EPPK1: variants seen among roughly 807,000 people sequenced by gnomAD.
EPPK1 encodes epiplakin.
For synonymous variants in EPPK1, 1,862 were observed against 1,721.2 expected, an observed-to-expected ratio of 1.08 and a Z score of -2.03; for missense variants, 3,823 against 3,673.3, an observed-to-expected ratio of 1.04 and a Z score of -1.05.
chr8:143,878,673 C>A (rs1371846052), upstream of EPPK1, among the ~76,000 whole-genome samples: 1 of 151,866 alleles, frequency 6.6e-6, no homozygotes, highest in Non-Finnish European at 1.5e-5. Context: ...CAGGGAGTCA[C>A]CGCGAAGGAA....
In EPPK1 at chr8:143,871,832, T is replaced by C; in HGVS notation, c.1422A>G (p.Gly474=). Residue 474 remains glycine (G), a synonymous_variant, in exon 2 of 2, where the codon GGA becomes GGG. Transcript: ENST00000615648. ...AFLPLSGGPR[G]GEPQGPPFIK... ...TGAATGGGGGTCCCTGGGGCTCCCCTCCCCGGGGTCCCCCTGAGAGTGGCA... is the reference window on the plus strand; with the variant it reads ...TGAATGGGGGTCCCTGGGGCTCCCCCCCCCGGGGTCCCCCTGAGAGTGGCA... The C allele has an allele frequency of 6.2e-7, 1 of 1,612,194 alleles. No homozygotes were observed. Among genetic ancestry groups the C allele is most frequent in the Non-Finnish European group, 8.5e-7 (1 of 1,179,774 alleles).
At chr8:143,874,570 C>T (rs1417385991) in intron 1 of EPPK1, among the ~76,000 whole-genome samples, 1 of 152,166 alleles carries the variant, frequency 6.6e-6, no homozygotes, top group Non-Finnish European at 1.5e-5. Flanking sequence ...CAGGCAGGAT[C>T]CTCCCCTCGA....
chr8:143,877,896 C>A (rs1189477076), intron 1 of EPPK1, among the ~76,000 whole-genome samples: 1 of 152,132 alleles, frequency 6.6e-6, no homozygotes, highest in East Asian at 1.9e-4. Flanking sequence ...TCCAGGCGAC[C>A]GTGTGACCGC....
rs1176567985 is a variant in EPPK1, at chr8:143,866,828, C to A, written c.6426G>T (p.Met2142Ile). 1.2e-6 allele frequency: 2 copies of A among 1,613,300 alleles called. No individual in the cohort carries two copies. The highest frequency in any genetic ancestry group is 8.5e-7 in the Non-Finnish European group (1 of 1,179,884). Residue 2142 changes from methionine to isoleucine, a missense_variant, in exon 2 of 2, where the codon ATG becomes ATT. Coordinates refer to ENST00000615648, the MANE Select transcript of EPPK1 (RefSeq NM_031308.4). ...TEEKKLQLVR[M>I]YRTHTRRALQ... ...GTGCCCGTCTGGTGTGTGTTCTATA[C>A]ATCCTCACCAGCTGGAGCTTCTTCT... is the stretch of plus-strand genomic sequence containing the variant.
Position 143,872,643 on chromosome 8 carries a change from T to C in EPPK1, c.611A>G (p.Asn204Ser), listed in dbSNP as rs782756722. ...GTGGTATGTCAGCCGCTCCAGCGTG[T>C]TGGGGTCGAGGAAGCGCAGGTCACC... Reference protein sequence around the residue: ...GTGDLRFLDPNTLERLTYHQL... With the variant: ...GTGDLRFLDPSTLERLTYHQL... Residue 204 changes from asparagine to serine, a missense_variant, in exon 2 of 2, where the codon AAC (asparagine) becomes AGC (serine). Physicochemically the swap from Asn to Ser is conservative, Grantham distance 46. Coordinates refer to ENST00000615648, the MANE Select transcript of EPPK1 (RefSeq NM_031308.4). 1.2e-6 allele frequency: 2 copies of C among 1,610,006 alleles called. No homozygotes were observed. Among genetic ancestry groups the C allele is most frequent in the Admixed American group, 3.3e-5 (2 of 59,928 alleles).
rs548952593 is a variant in EPPK1 at position 143,866,823 on chromosome 8, C to G, written c.6431G>C (p.Arg2144Thr). 54 of 1,613,432 alleles carry G rather than the reference C, an allele frequency of 3.3e-5. No homozygotes were observed. Among genetic ancestry groups the G allele is most frequent in the Non-Finnish European group, 4.2e-5 (49 of 1,179,864 alleles). Reference protein sequence around the residue: ...EKKLQLVRMYRTHTRRALQTV... With the variant: ...EKKLQLVRMYTTHTRRALQTV... ...CTGCAGTGCCCGTCTGGTGTGTGTT[C>G]TATACATCCTCACCAGCTGGAGCTT... The change falls in exon 2 of 2, where the codon AGA becomes ACA. Residue 2144 changes from arginine (R) to threonine (T), a missense_variant. Physicochemically the swap from Arg to Thr is moderately conservative, Grantham distance 71. Transcript: ENST00000615648.
In EPPK1 at chr8:143,869,377, G is replaced by C; in HGVS notation, c.3877C>G (p.Leu1293Val). 1 of 1,610,546 alleles carries C rather than the reference G, an allele frequency of 6.2e-7. No homozygotes were observed. The highest frequency in any genetic ancestry group is 8.5e-7 in the Non-Finnish European group (1 of 1,179,086). The change falls in exon 2 of 2, where the codon CTG becomes GTG. Residue 1293 changes from leucine to valine, a missense_variant. By Grantham distance (32) the Leu-to-Val change is conservative. Coordinates refer to ENST00000615648, the MANE Select transcript of EPPK1 (RefSeq NM_031308.4). ...TCCACTGACAGTCTCTGGTTGTTCA[G>C]GGGGTCAACAAGGAAGCCAGATGCC... is the stretch of plus-strand genomic sequence containing the variant. ...QVASGFLVDPLNNQRLSVEDA... is the reference protein window; with the variant it reads ...QVASGFLVDPVNNQRLSVEDA...
rs1819171789 is a variant in EPPK1 at position 143,867,526 on chromosome 8, C to A, written c.5728G>T (p.Val1910Phe). The A allele has an allele frequency of 1.9e-6, 3 of 1,612,640 alleles. No individual in the cohort carries two copies. The highest frequency in any genetic ancestry group is 2.5e-6 in the Non-Finnish European group (3 of 1,179,804). Residue 1910 changes from valine to phenylalanine, a missense_variant, in exon 2 of 2, where the codon GTC (valine) becomes TTC (phenylalanine). Val to Phe is a conservative substitution (Grantham distance 50). Coordinates refer to ENST00000615648, the MANE Select transcript of EPPK1 (RefSeq NM_031308.4). Reference protein sequence around the residue: ...AGVTVPSTREVMSLHEASRKE... With the variant: ...AGVTVPSTREFMSLHEASRKE... Reference sequence around the variant, plus strand: ...CTGCTGGCCTCATGGAGGCTCATGACCTCCCTGGTGGAGGGCACCGTGACC... The same window carrying A: ...CTGCTGGCCTCATGGAGGCTCATGAACTCCCTGGTGGAGGGCACCGTGACC...
chr8:143,870,681 T>C lies in EPPK1; in HGVS notation c.2573A>G (p.Glu858Gly), dbSNP rs1554660865. 9 of 1,608,974 alleles carry C rather than the reference T, an allele frequency of 5.6e-6. No individual in the cohort carries two copies. The highest frequency in any genetic ancestry group is 7.6e-6 in the Non-Finnish European group (9 of 1,178,224). Residue 858 changes from glutamate (E) to glycine (G), a missense_variant, in exon 2 of 2, where the codon GAG becomes GGG. By Grantham distance (98) the Glu-to-Gly change is moderately conservative. Transcript: ENST00000615648. This position sits in a 1 kb window ranked among gnomAD's most constrained non-coding sequence, Gnocchi z 5.2. Reference protein sequence around the residue: ...RQLLRRYRQREVTLGQVAKLL... With the variant: ...RQLLRRYRQRGVTLGQVAKLL... ...CTTTGCCACCTGCCCCAGCGTGACCTCGCGCTGCCGGTAGCGACGCAGCAG... is the reference window on the plus strand; with the variant it reads ...CTTTGCCACCTGCCCCAGCGTGACCCCGCGCTGCCGGTAGCGACGCAGCAG...
Position 143,870,227 on chromosome 8 carries a change from A to G in EPPK1, c.3027T>C (p.Ala1009=), listed in dbSNP as rs1032834859. The G allele has an allele frequency of 2.6e-5, 42 of 1,607,154 alleles. No homozygotes were observed. The highest frequency in any genetic ancestry group is 3.4e-5 in the Non-Finnish European group (40 of 1,177,644). The stretch of plus-strand genomic sequence containing the variant: ...TCCCAGAGAAGGGGTCTCTGAAGCC[A>G]GCAATGGCACCCTCAGCCCGCTTCA... The part of the protein sequence containing the change: ...GRLKRAEGAI[A]GFRDPFSGKQ... Residue 1009 remains alanine (A), a synonymous_variant, in exon 2 of 2, where the codon GCT becomes GCC. Transcript: ENST00000615648. The surrounding 1 kb of genome is among the most constrained non-coding windows in gnomAD (Gnocchi z 5.2).
intron 1 of EPPK1, among the ~76,000 whole-genome samples, chr8:143,875,068 C>T (rs1819454771): frequency 1.3e-5 from 2 of 152,160 alleles, no homozygotes; most frequent in Admixed American, 1.3e-4. Context: ...CTCAGCTCCC[C>T]AAATCTGCAG....
chr8:143,868,037 G>C lies in EPPK1; in HGVS notation c.5217C>G (p.Tyr1739Ter). The change falls in exon 2 of 2, where the codon TAC (tyrosine) becomes TAG (stop). Residue 1739 changes from tyrosine (Y) to a stop codon, truncating the protein, a stop_gained. Transcript: ENST00000615648. LOFTEE classifies it low-confidence loss of function (END_TRUNC). ...FDPNTHENLT[Y>*]LQLLERCVED... is the part of the protein sequence containing the mutation. The stretch of plus-strand genomic sequence containing the variant: ...CCACACAGCGCTCCAGAAGCTGCAG[G>C]TACGTGAGGTTCTCGTGCGTGTTGG... 6.2e-7 allele frequency: 1 copy of C among 1,613,694 alleles called. No individual in the cohort carries two copies. The highest frequency in any genetic ancestry group is 8.5e-7 in the Non-Finnish European group (1 of 1,180,032).
Position 143,867,122 on chromosome 8 carries a change from A to G in EPPK1, c.6132T>C (p.Ile2044=), listed in dbSNP as rs782245728. 1 of 1,612,834 alleles carries G rather than the reference A, an allele frequency of 6.2e-7. No individual in the cohort carries two copies. Among genetic ancestry groups the G allele is most frequent in the East Asian group, 2.2e-5 (1 of 44,854 alleles). Residue 2044 remains isoleucine (I), a synonymous_variant, in exon 2 of 2, where the codon ATT becomes ATC. Transcript: ENST00000615648. The part of the protein sequence containing the change: ...GCLHKDIYAL[I]SDQKHMRKRF... ...GTTTCCTCATGTGCTTCTGGTCGGA[A>G]ATGAGCGCATAGATGTCCTTGTGCA...
rs781870277 is a variant in EPPK1, at chr8:143,872,410, C to A, written c.844G>T (p.Glu282Ter). The A allele has an allele frequency of 1.9e-6, 3 of 1,601,996 alleles. No individual in the cohort carries two copies. Among genetic ancestry groups the A allele is most frequent in the Middle Eastern group, 1.7e-4 (1 of 6,038 alleles). ...SARAEVRRYL[E>*]GTGSVAGVVL... ...ACCCCGGCCACGCTGCCGGTACCCT[C>A]CAGGTAGCGCCGCACCTCGGCACGT... Residue 282 changes from glutamate to a stop codon, truncating the protein, a stop_gained, in exon 2 of 2, where the codon GAG becomes TAG. Transcript: ENST00000615648. LOFTEE classifies it low-confidence loss of function (END_TRUNC).
In EPPK1 at chr8:143,870,890, G is replaced by A. The variant is rs1182177421; in HGVS notation, c.2364C>T (p.Asp788=). The A allele has an allele frequency of 3.7e-6, 6 of 1,613,124 alleles. No homozygotes were observed. The highest frequency in any genetic ancestry group is 1.1e-5 in the South Asian group (1 of 91,090). Residue 788 remains aspartate (D), a synonymous_variant, in exon 2 of 2, where the codon GAC becomes GAT. Coordinates refer to ENST00000615648, the MANE Select transcript of EPPK1 (RefSeq NM_031308.4). The surrounding 1 kb of genome is among the most constrained non-coding windows in gnomAD (Gnocchi z 5.2). ...GCAGGAGGTACAGGCCCGTCTCGGGGTCACGCACACAGCGCTCCAGAAGCT... is the reference window on the plus strand; with the variant it reads ...GCAGGAGGTACAGGCCCGTCTCGGGATCACGCACACAGCGCTCCAGAAGCT... ...YLQLLERCVR[D]PETGLYLLPL... is the part of the protein sequence containing the mutation.
chr8:143,872,483 A>T lies in EPPK1; in HGVS notation c.771T>A (p.Ala257=), dbSNP rs781874808. The part of the protein sequence containing the change: ...LLEVGILDEQ[A]VQGLREGRLA... ...GCCTGCCCTCCCGCAGACCCTGCAC[A>T]GCCTGCTCGTCCAGGATGCCCACCT... The change falls in exon 2 of 2, where the codon GCT becomes GCA. Residue 257 remains alanine, a synonymous_variant. Coordinates refer to ENST00000615648, the MANE Select transcript of EPPK1 (RefSeq NM_031308.4). 1.3e-6 allele frequency: 2 copies of T among 1,592,902 alleles called. No homozygotes were observed. The highest frequency in any genetic ancestry group is 2.7e-5 in the African/African-American group (2 of 74,632).
chr8:143,866,211 A>T lies in EPPK1; in HGVS notation c.7043T>A (p.Val2348Asp). The stretch of plus-strand genomic sequence containing the variant: ...GCGGTGGCTGTGCACGGGGTCGATG[A>T]CGCCGCCCGTGGCGATCTGGGCCTC... Reference protein sequence around the residue: ...LLEAQIATGGVIDPVHSHRVP... With the variant: ...LLEAQIATGGDIDPVHSHRVP... The change falls in exon 2 of 2, where the codon GTC becomes GAC. Residue 2348 changes from valine (V) to aspartate (D), a missense_variant. Val to Asp is a radical substitution (Grantham distance 152, BLOSUM62 -3). Coordinates refer to ENST00000615648, the MANE Select transcript of EPPK1 (RefSeq NM_031308.4). The T allele has an allele frequency of 4.5e-6, 2 of 447,822 alleles. No homozygotes were observed. Among genetic ancestry groups the T allele is most frequent in the Non-Finnish European group, 7.5e-6 (2 of 268,114 alleles). The allele number at this position is 447,822 out of a possible 1,614,324, so 27.7% of individuals were successfully genotyped here.
chr8:143,866,760 T>G lies in EPPK1; in HGVS notation c.6494A>C (p.Gln2165Pro). 4.3e-6 allele frequency: 7 copies of G among 1,613,538 alleles called. No individual in the cohort carries two copies. Among genetic ancestry groups the G allele is most frequent in the Non-Finnish European group, 5.1e-6 (6 of 1,179,876 alleles). The change falls in exon 2 of 2, where the codon CAG becomes CCG. Residue 2165 changes from glutamine (Q) to proline (P), a missense_variant. Coordinates refer to ENST00000615648, the MANE Select transcript of EPPK1 (RefSeq NM_031308.4). ...AQLILELIEK[Q>P]ETSNKHLWFQ... ...CCACAGGTGTTTGTTGCTGGTTTCC[T>G]GCTTCTCGATCAACTCTAAGATGAG... is the stretch of plus-strand genomic sequence containing the variant.
rs782756398 is a variant in EPPK1, at chr8:143,871,333, G to A, written c.1921C>T (p.Leu641Phe). ...GCAGCTTGTGCCTCCAGAAGGATGA[G>A]GGCAGTGCCGGGCCGGAGGAGCCCC... ...CKGLLRPGTA[L>F]ILLEAQAATG... Residue 641 changes from leucine to phenylalanine, a missense_variant, in exon 2 of 2, where the codon CTC (leucine) becomes TTC (phenylalanine). Leu to Phe is a conservative substitution (Grantham distance 22, BLOSUM62 0). Coordinates refer to ENST00000615648, the MANE Select transcript of EPPK1 (RefSeq NM_031308.4). 3.1e-6 allele frequency: 5 copies of A among 1,611,174 alleles called. No homozygotes were observed. Among genetic ancestry groups the A allele is most frequent in the Non-Finnish European group, 3.4e-6 (4 of 1,179,314 alleles).
Sources: allele counts gnomAD v4.1 joint callset (sites outside exome capture counted in the v4.1 genomes callset), GRCh38; gene constraint gnomAD v4.1.1; non-coding constraint Gnocchi (gnomAD v3.1); transcripts MANE v1.5; gene names NCBI Gene and HGNC (gene_info 2026-07-23, HGNC 2026-07-21).